Variants in ABCA4 observed in about 807,000 individuals in gnomAD.
ABCA4 encodes ATP binding cassette subfamily A member 4, also known as retinal-specific phospholipid-transporting ATPase ABCA4.
A neutral mutation model predicts 263.7 loss-of-function variants in ABCA4; 196 were observed. The ratio of observed to expected loss-of-function variants is 0.74; its 90% CI spans 0.66 to 0.84. The LOEUF is 0.84. ABCA4 is among the 40% of genes least tolerant of loss of function. The probability of loss-of-function intolerance (pLI) is 0.00; values close to 1 mark genes in which losing one functional copy is unlikely to be tolerated. For synonymous variants in ABCA4, 1,133 were observed against 1,094.2 expected, an observed-to-expected ratio of 1.04 and a Z score of -0.70; for missense variants, 2,792 against 2,855.1, an observed-to-expected ratio of 0.98 and a Z score of 0.50.
chr1:94,107,367 C>G (rs961424810), intron 4 of ABCA4, among the ~76,000 whole-genome samples: 2 of 152,192 alleles, frequency 1.3e-5, no homozygotes, highest in South Asian at 2.1e-4. Flanking sequence ...TTTTGGGGGG[C>G]TTTACTTCCT....
At chr1:94,012,542 G>A (rs1000173043) in intron 38 of ABCA4, among the ~76,000 whole-genome samples, 3 of 152,076 alleles carry the variant, frequency 2.0e-5, no homozygotes, top group Non-Finnish European at 4.4e-5. Flanking sequence ...TTATTTTTTT[G>A]TCCTTCCTAA....
In ABCA4 at chr1:94,021,307, C is replaced by T. The variant is rs775080600; in HGVS notation, c.4951G>A (p.Glu1651Lys). 14 of 1,614,064 alleles carry T rather than the reference C, an allele frequency of 8.7e-6. No individual in the cohort carries two copies. In the African/African-American group the frequency reaches 1.3e-4, roughly 15 times the overall value. ...TGGCTAATGACGGTGATTCCATACT[C>T]CTCGGGGCTCCTGTCCTTAGGCAGG... ...ASLPKDRSPE[E>K]YGITVISQPL... is the part of the protein sequence containing the mutation. The change falls in exon 35 of 50, where the codon GAG (glutamate) becomes AAG (lysine). Residue 1651 changes from glutamate to lysine, a missense_variant. Coordinates refer to ENST00000370225, the MANE Select transcript of ABCA4 (RefSeq NM_000350.3).
At position 94,008,816 on chromosome 1, in the gene ABCA4, C is replaced by T; in HGVS notation, c.5770G>A (p.Glu1924Lys). 1 of 1,613,794 alleles carries T rather than the reference C, an allele frequency of 6.2e-7. No individual in the cohort carries two copies. The highest frequency in any genetic ancestry group is 1.3e-5 in the African/African-American group (1 of 74,884). ...CCACCAGTAATAATTCTTTGTCTTT[C>T]TTCAGCCACATCATCATCTTCATCA... is the stretch of plus-strand genomic sequence containing the variant. ...IVDEDDDVAE[E>K]RQRIITGGNK... Residue 1924 changes from glutamate (E) to lysine (K), a missense_variant, in exon 41 of 50, where the codon GAA becomes AAA. Physicochemically the swap from Glu to Lys is moderately conservative, Grantham distance 56. Transcript: ENST00000370225.
At chr1:94,083,220 A>C in intron 7 of ABCA4, 132 bp downstream of exon 7, 1 of 877,342 alleles carries the variant, frequency 1.1e-6, no homozygotes, top group Admixed American at 1.7e-5. Flanking sequence ...GGTGCTTTGA[A>C]ATTGCTAGAT....
chr1:94,062,447 C>A (rs1298003342), intron 13 of ABCA4, 130 bp downstream of exon 13: 16 of 1,089,484 alleles, frequency 1.5e-5, no homozygotes, highest in Non-Finnish European at 2.2e-5. Context: ...CCATGCTCTC[C>A]AATTTGGCTC....
At chr1:94,104,200 T>C (rs2101146228) in intron 4 of ABCA4, among the ~76,000 whole-genome samples, 1 of 152,302 alleles carries the variant, frequency 6.6e-6, no homozygotes, top group African/African-American at 2.4e-5. Context: ...CTATAGTTCA[T>C]GAGGCTCTGG....
At chr1:94,043,190 G>T in intron 21 of ABCA4, 146 bp downstream of exon 21, 3 of 1,188,754 alleles carry the variant, frequency 2.5e-6, no homozygotes, top group Non-Finnish European at 1.2e-6. Flanking sequence ...ATGATCTGGG[G>T]GCTGCTCTTA....
intron 2 of ABCA4, among the ~76,000 whole-genome samples, chr1:94,112,404 TA>T (rs961520293): frequency 6.6e-6 from 1 of 152,122 alleles, no homozygotes; most frequent in African/African-American, 2.4e-5. Flanking sequence ...AGTTTAGGTA[TA>T]AAAAAATAAA....
chr1:94,019,596 A>G lies in ABCA4; in HGVS notation c.5182T>C (p.Phe1728Leu). 1 of 1,607,906 alleles carries G rather than the reference A, an allele frequency of 6.2e-7. No homozygotes were observed. Among genetic ancestry groups the G allele is most frequent in the Non-Finnish European group, 8.5e-7 (1 of 1,176,932 alleles). Residue 1728 changes from phenylalanine to leucine, a missense_variant, in exon 36 of 50, where the codon TTC (phenylalanine) becomes CTC (leucine). Phe to Leu is a conservative substitution (Grantham distance 22, BLOSUM62 0). Coordinates refer to ENST00000370225, the MANE Select transcript of ABCA4 (RefSeq NM_000350.3). Reference protein sequence around the residue: ...VSPTTYWVTNFLWDIMNYSVS... With the variant: ...VSPTTYWVTNLLWDIMNYSVS... ...CTGACACTTACGATGTCCCAGAGGAAGTTGGTCACCCAGTAGGTGGTGGGG... is the reference window on the plus strand; with the variant it reads ...CTGACACTTACGATGTCCCAGAGGAGGTTGGTCACCCAGTAGGTGGTGGGG...
intron 39 of ABCA4, 141 bp downstream of exon 39, chr1:94,011,121 C>T: frequency 6.5e-7 from 1 of 1,547,402 alleles, no homozygotes; most frequent in Non-Finnish European, 8.9e-7. Flanking sequence ...CTAATCCTCT[C>T]CAGCTGGCAG....
At chr1:94,108,166 G>T (rs12057375) in intron 4 of ABCA4, among the ~76,000 whole-genome samples, 24,174 of 152,068 alleles carry the variant, frequency 0.16, 2,480 homozygotes, top group African/African-American at 0.28. Context: ...GACCTCCCTG[G>T]CTCCTTAATG....
chr1:94,042,852 A>G lies in ABCA4; in HGVS notation c.3237T>C (p.Asp1079=), dbSNP rs2101050654. The change falls in exon 22 of 50, where the codon GAT becomes GAC. Residue 1079 remains aspartate, a synonymous_variant. Transcript: ENST00000370225. ...GTTCGTCCAGAATCACCACCTTGGC[A>G]TCTCCCACAAAGGCAATGGCAACCG... is the stretch of plus-strand genomic sequence containing the variant. ...KLSVAIAFVG[D]AKVVILDEPT... is the part of the protein sequence containing the mutation. 1 of 1,614,166 alleles carries G rather than the reference A, an allele frequency of 6.2e-7. No individual in the cohort carries two copies. Among genetic ancestry groups the G allele is most frequent in the Non-Finnish European group, 8.5e-7 (1 of 1,180,034 alleles).
At chr1:94,029,062 T>A (rs998109426) in intron 30 of ABCA4, among the ~76,000 whole-genome samples, 2 of 152,176 alleles carry the variant, frequency 1.3e-5, no homozygotes, top group African/African-American at 4.8e-5. Context: ...TATAATCTGT[T>A]TGGGTGGCTG....
intron 29 of ABCA4, among the ~76,000 whole-genome samples, chr1:94,030,057 C>T (rs1406773152): frequency 1.3e-5 from 2 of 152,232 alleles, no homozygotes; most frequent in Non-Finnish European, 2.9e-5. Context: ...TCACAACTAT[C>T]ACAAAGTACT....
intron 43 of ABCA4, among the ~76,000 whole-genome samples, chr1:94,007,129 A>C (rs1393777390): frequency 6.6e-6 from 1 of 152,214 alleles, no homozygotes; most frequent in Non-Finnish European, 1.5e-5. Context: ...AGGCCCATGC[A>C]TGAGCCCCTA....
rs371076070 is a variant in ABCA4, at chr1:94,001,113, G to T, written c.6283-8C>A. ...CCCTGTGGTGGGCTCATCCTGGGGGGTGGAGAGAAGGTTGGGGGCACAGGC... is the reference window on the plus strand; with the variant it reads ...CCCTGTGGTGGGCTCATCCTGGGGGTTGGAGAGAAGGTTGGGGGCACAGGC... On this transcript the variant is annotated splice_region_variant and splice_polypyrimidine_tract_variant and intron_variant, in intron 45 of 49. Transcript: ENST00000370225. 2.5e-6 allele frequency: 4 copies of T among 1,610,210 alleles called. No individual in the cohort carries two copies. The highest frequency in any genetic ancestry group is 2.2e-5 in the South Asian group (2 of 91,018).
rs1659718406 is a variant in ABCA4 at position 94,015,774 on chromosome 1, G to A, written c.5277C>T (p.Asn1759=). The change falls in exon 37 of 50, where the codon AAC becomes AAT. Residue 1759 remains asparagine (N), a synonymous_variant. Transcript: ENST00000370225. Reference sequence around the variant, plus strand: ...GGAGCAGTGCCACAAGGGCAGGAAGGTTTTCTGGAGAAGTGTAGGCTTTCT... The same window carrying A: ...GGAGCAGTGCCACAAGGGCAGGAAGATTTTCTGGAGAAGTGTAGGCTTTCT... ...FQKKAYTSPE[N]LPALVALLLL... is the part of the protein sequence containing the mutation. The A allele has an allele frequency of 6.2e-7, 1 of 1,614,060 alleles. No homozygotes were observed. Among genetic ancestry groups the A allele is most frequent in the Non-Finnish European group, 8.5e-7 (1 of 1,180,010 alleles).
chr1:94,091,144 A>G (rs1661955624), intron 6 of ABCA4, among the ~76,000 whole-genome samples: 1 of 152,194 alleles, frequency 6.6e-6, no homozygotes, highest in African/African-American at 2.4e-5. Flanking sequence ...CAATAGCTTG[A>G]GATGTATTTT....
intron 40 of ABCA4, among the ~76,000 whole-genome samples, chr1:94,009,195 T>C (rs750734984): frequency 1.3e-5 from 2 of 152,124 alleles, no homozygotes; most frequent in Non-Finnish European, 2.9e-5. Context: ...AGGATTGTGC[T>C]GAAGATGAAC....
Sources: gnomAD v4.1 joint callset for allele counts (sites outside exome capture counted in the v4.1 genomes callset) on GRCh38, gnomAD v4.1.1 for gene constraint, MANE v1.5 for transcripts, NCBI Gene and HGNC (gene_info 2026-07-23, HGNC 2026-07-21) for gene names.